Variants in RANBP9 observed in about 807,000 individuals in gnomAD.
RANBP9 encodes the protein ran-binding protein 9.
RANBP9 carries 15 observed loss-of-function variants against 84.3 expected under a neutral mutation model. That is an observed-to-expected ratio of 0.18 (90% CI 0.12 to 0.27). RANBP9 has a LOEUF of 0.27. Ranked by LOEUF, RANBP9 falls within the 10% of genes least tolerant of loss-of-function variation. The pLI is 1.00. For synonymous variants in RANBP9, 392 were observed against 349.6 expected, an observed-to-expected ratio of 1.12 and a Z score of -1.35; for missense variants, 809 against 912.8, an observed-to-expected ratio of 0.89 and a Z score of 1.46.
At chr6:13,681,595 G>C (rs1584939828) in intron 2 of RANBP9, among the ~76,000 whole-genome samples, 1 of 150,738 alleles carries the variant, frequency 6.6e-6, no homozygotes, top group South Asian at 2.1e-4. Flanking sequence ...AAAAAAAAAA[G>C]AGCAAACAAA....
Position 13,696,861 on chromosome 6 carries a change from G to C in RANBP9, c.607C>G (p.Arg203Gly). ...GKTPKDAASV[R>G]ATHPIPAACG... ...GCTGCTGGTATTGGATGCGTGGCTCGAACTGACGCGGCATCTTTTGGGGTT... is the reference window on the plus strand; with the variant it reads ...GCTGCTGGTATTGGATGCGTGGCTCCAACTGACGCGGCATCTTTTGGGGTT... The change falls in exon 2 of 14, where the codon CGA becomes GGA. Residue 203 changes from arginine (R) to glycine (G), a missense_variant. Coordinates refer to ENST00000011619, the MANE Select transcript of RANBP9 (RefSeq NM_005493.3). 6.2e-7 allele frequency: 1 copy of C among 1,613,226 alleles called. No homozygotes were observed.
At chr6:13,664,360 G>C (rs952902476) in intron 2 of RANBP9, among the ~76,000 whole-genome samples, 3 of 151,990 alleles carry the variant, frequency 2.0e-5, no homozygotes, top group Admixed American at 6.6e-5. Context: ...GTAAATAAAT[G>C]GCAAAACATA....
chr6:13,632,649 G>T, intron 11 of RANBP9, 128 bp from the exon 12 acceptor site: 1 of 902,970 alleles, frequency 1.1e-6, no homozygotes, highest in Non-Finnish European at 1.7e-6. Flanking sequence ...TAAATATGCA[G>T]ATTGTTAAAA....
At chr6:13,643,101 G>A (rs1040004286) in intron 6 of RANBP9, among the ~76,000 whole-genome samples, 7 of 152,144 alleles carry the variant, frequency 4.6e-5, no homozygotes, top group Non-Finnish European at 7.4e-5. Flanking sequence ...AGAATACTAA[G>A]GTGAATCCAG....
intron 12 of RANBP9, among the ~76,000 whole-genome samples, chr6:13,627,676 A>G (rs1764653269): frequency 6.6e-6 from 1 of 151,044 alleles, no homozygotes; most frequent in Non-Finnish European, 1.5e-5. Flanking sequence ...TTAAGGACTG[A>G]GCTTTGCTCA....
chr6:13,700,697 T>C (rs1757946714), intron 1 of RANBP9, among the ~76,000 whole-genome samples: 1 of 152,180 alleles, frequency 6.6e-6, no homozygotes, highest in Non-Finnish European at 1.5e-5. Flanking sequence ...CCCGCTAACT[T>C]CCACTCTAAC....
In RANBP9 at chr6:13,622,142, ACT is replaced by A. The variant is rs908719184; in HGVS notation, c.*218_*219del. On this transcript the variant is annotated 3_prime_UTR_variant, in exon 14 of 14. Transcript: ENST00000011619. The stretch of plus-strand genomic sequence containing the variant: ...AACGTCTGAAATTCAGTAATATTTA[ACT>A]CTTAGACAACTAAGAGGTTAAAGAT... 1.2e-5 allele frequency: 4 copies of A among 347,450 alleles called. No homozygotes were observed. Among genetic ancestry groups the A allele is most frequent in the Admixed American group, 4.9e-5 (1 of 20,610 alleles). The allele number at this position is 347,450 out of a possible 1,614,324, so 21.5% of individuals were successfully genotyped here.
intron 1 of RANBP9, among the ~76,000 whole-genome samples, chr6:13,703,150 T>A (rs1561696974): frequency 6.6e-6 from 1 of 152,146 alleles, no homozygotes; most frequent in Non-Finnish European, 1.5e-5. Flanking sequence ...AGTTTTGGGA[T>A]TACAGGTGTG....
At chr6:13,709,655 C>A (rs949382339) in intron 1 of RANBP9, among the ~76,000 whole-genome samples, 3 of 152,196 alleles carry the variant, frequency 2.0e-5, no homozygotes, top group African/African-American at 7.2e-5. Context: ...GGAAGTACTT[C>A]TTTGGATGTA....
At chr6:13,706,624 C>T (rs1002890698) in intron 1 of RANBP9, among the ~76,000 whole-genome samples, 2 of 149,110 alleles carry the variant, frequency 1.3e-5, no homozygotes, top group Non-Finnish European at 3.0e-5. Context: ...ACCCGGGAGG[C>T]GGAGGTTGCA....
In RANBP9 at chr6:13,647,827, C is replaced by CTT. The variant is rs1765207367; in HGVS notation, c.928-3099_928-3098insAA. On this transcript the variant is annotated intron_variant, in intron 5 of 13. Transcript: ENST00000011619. ...TGAAAAGTAAGTATAATTGTTATAC[C>CTT]ATTTACTCAACCTTAAAACTGGAGA... 2.0e-5 allele frequency among the ~76,000 whole-genome samples: 3 copies of CTT among 151,940 alleles called. No homozygotes were observed. In the South Asian group the frequency reaches 6.2e-4, roughly 32 times the overall value.
chr6:13,660,614 A>C (rs1379888121), intron 2 of RANBP9, among the ~76,000 whole-genome samples: 5 of 152,224 alleles, frequency 3.3e-5, no homozygotes, highest in Non-Finnish European at 7.3e-5. Flanking sequence ...GAAGTTTTAA[A>C]ACTGAGCAAA....
At chr6:13,624,671 C>T (rs1345062696) in intron 13 of RANBP9, among the ~76,000 whole-genome samples, 1 of 152,270 alleles carries the variant, frequency 6.6e-6, no homozygotes, top group East Asian at 1.9e-4. Context: ...TAATCACAAA[C>T]GCTACAGTGA....
Position 13,644,806 on chromosome 6 carries a change from AAGAAT to A in RANBP9, c.928-82_928-78del, listed in dbSNP as rs563444334. On this transcript the variant is annotated intron_variant, in intron 5 of 13. Coordinates refer to ENST00000011619, the MANE Select transcript of RANBP9 (RefSeq NM_005493.3). ...ATAATTCTTTTAATGTTACATTTAAAAGAATAGAACTATAAATTTACTTCATATTT... is the reference window on the plus strand; with the variant it reads ...ATAATTCTTTTAATGTTACATTTAAAAGAACTATAAATTTACTTCATATTT... The A allele has an allele frequency of 6.4e-4, 759 of 1,188,744 alleles. 1 individual carries two copies. Among genetic ancestry groups the A allele is most frequent in the Non-Finnish European group, 5.0e-4 (437 of 878,510 alleles). 73.6% of individuals were successfully genotyped at this position (1,188,744 alleles called of 1,614,324 possible).
intron 2 of RANBP9, among the ~76,000 whole-genome samples, chr6:13,688,468 G>T (rs1321538968): frequency 1.3e-5 from 2 of 151,992 alleles, no homozygotes; most frequent in African/African-American, 4.8e-5. Context: ...TTGTTTATAT[G>T]TCTACTACTG....
At chr6:13,666,760 AAACAAC>A (rs375520211) in intron 2 of RANBP9, among the ~76,000 whole-genome samples, 10 of 151,990 alleles carry the variant, frequency 6.6e-5, no homozygotes, top group South Asian at 2.1e-4. Context: ...CCTTGTCTCA[AAACAAC>A]AACAACAACA....
At chr6:13,663,720 T>C (rs889810099) in intron 2 of RANBP9, among the ~76,000 whole-genome samples, 4 of 152,140 alleles carry the variant, frequency 2.6e-5, no homozygotes, top group African/African-American at 9.7e-5. Flanking sequence ...GATTACTAGA[T>C]AGTGTTTAAC....
chr6:13,640,860 G>A (rs1045566532), intron 8 of RANBP9, among the ~76,000 whole-genome samples: 1 of 152,042 alleles, frequency 6.6e-6, no homozygotes, highest in Non-Finnish European at 1.5e-5. Flanking sequence ...TAAATTTTAT[G>A]TATATTTTAC....
intron 2 of RANBP9, among the ~76,000 whole-genome samples, chr6:13,688,629 A>G (rs747542050): frequency 3.3e-5 from 5 of 151,940 alleles, no homozygotes; most frequent in Non-Finnish European, 5.9e-5. Context: ...TATCTGGCAC[A>G]TAACAGGTAC....
Sources: allele counts gnomAD v4.1 joint callset (sites outside exome capture counted in the v4.1 genomes callset), GRCh38; gene constraint gnomAD v4.1.1; transcripts MANE v1.5; gene names NCBI Gene and HGNC (gene_info 2026-07-23, HGNC 2026-07-21).